The following FKTN variants were observed in gnomAD, a reference collection of about 807,000 sequenced individuals.
The protein encoded by FKTN is ribitol-5-phosphate transferase FKTN.
In FKTN, 47 loss-of-function variants were observed where a neutral mutation model predicts 58.6. The ratio of observed to expected loss-of-function variants is 0.80; its 90% CI spans 0.63 to 1.02. The LOEUF (loss-of-function observed/expected upper bound fraction) is 1.02, where lower values mean the gene tolerates loss of function less well. FKTN is among the 50% of genes least tolerant of loss of function. FKTN has a pLI of 0.00. For missense variants in FKTN, 516 were observed against 537.3 expected (o/e 0.96, Z 0.39); for synonymous variants, 178 against 191.9 (o/e 0.93, Z 0.60).
rs752457293 is a variant in FKTN, at chr9:105,604,252, A to C, written c.407A>C (p.Gln136Pro). The stretch of plus-strand genomic sequence containing the variant: ...CGGATAGCTGAGAATATGGGATTTC[A>C]GTGCCTAAAGATTGAGAGTAAAGAT... ...WFRIAENMGF[Q>P]CLKIESKDPR... Residue 136 changes from glutamine to proline, a missense_variant, in exon 6 of 11, where the codon CAG becomes CCG. Gln to Pro is a moderately conservative substitution (Grantham distance 76). Transcript: ENST00000357998. 6.2e-7 allele frequency: 1 copy of C among 1,612,882 alleles called. No homozygotes were observed. The highest frequency in any genetic ancestry group is 8.5e-7 in the Non-Finnish European group (1 of 1,179,998).
At chr9:105,565,604 T>TAGCC (rs1839417496) in intron 1 of FKTN, among the ~76,000 whole-genome samples, 1 of 150,660 alleles carries the variant, frequency 6.6e-6, no homozygotes, top group South Asian at 2.1e-4. Context: ...GCTAACTGTC[T>TAGCC]TAAATATATA....
In FKTN at chr9:105,639,615, A is replaced by G. The variant is rs1252080400; in HGVS notation, c.*4351A>G. On this transcript the variant is annotated 3_prime_UTR_variant, in exon 11 of 11. Coordinates refer to ENST00000357998, the MANE Select transcript of FKTN (RefSeq NM_001079802.2). Reference sequence around the variant, plus strand: ...GGGTCAGAACATATTCCTTTACTCAAAAGATTGCATGACTGAATTTGCTTA... The same window carrying G: ...GGGTCAGAACATATTCCTTTACTCAGAAGATTGCATGACTGAATTTGCTTA... The G allele has an allele frequency of 5.1e-6, 5 of 974,636 alleles. No homozygotes were observed. In the South Asian group the frequency reaches 1.4e-4, roughly 28 times the overall value. 60.4% of individuals were successfully genotyped at this position (974,636 alleles called of 1,614,324 possible).
In FKTN at chr9:105,604,548, T is replaced by C. The variant is rs894598777; in HGVS notation, c.647+56T>C. The stretch of plus-strand genomic sequence containing the variant: ...AATGAGTGTTGTTCAGTCATAATTC[T>C]TGCAGTGTTTTTACATTTGAGTATT... On this transcript the variant is annotated intron_variant, in intron 6 of 10. Transcript: ENST00000357998. The C allele has an allele frequency of 2.2e-6, 3 of 1,385,928 alleles. No homozygotes were observed. In the South Asian group the frequency reaches 3.5e-5, roughly 16 times the overall value. 85.9% of individuals were successfully genotyped at this position (1,385,928 alleles called of 1,614,324 possible). A position where few individuals can be genotyped will look rare whatever the true frequency, so the allele number is the denominator to read the frequency against.
chr9:105,566,249 C>A (rs542940951), intron 1 of FKTN, among the ~76,000 whole-genome samples: 87 of 152,124 alleles, frequency 5.7e-4, no homozygotes, highest in African/African-American at 1.9e-3. Flanking sequence ...ACTAGAGAAG[C>A]AAGAGCAAAC....
chr9:105,606,062 CTAT>C (rs1358163884), intron 6 of FKTN, among the ~76,000 whole-genome samples: 1 of 151,978 alleles, frequency 6.6e-6, no homozygotes, highest in Non-Finnish European at 1.5e-5. Flanking sequence ...AAAGTAAATT[CTAT>C]TATTACTTTT....
In FKTN at chr9:105,636,338, TCTC is replaced by T; in HGVS notation, c.*1078_*1080del. The T allele has an allele frequency of 1.0e-6, 1 of 981,714 alleles. No homozygotes were observed. The highest frequency in any genetic ancestry group is 1.2e-6 in the Non-Finnish European group (1 of 826,492). The allele number at this position is 981,714 out of a possible 1,614,324, so 60.8% of individuals were successfully genotyped here. On this transcript the variant is annotated 3_prime_UTR_variant, in exon 11 of 11. Coordinates refer to ENST00000357998, the MANE Select transcript of FKTN (RefSeq NM_001079802.2). ...ATGGCATGTAAACCTGCCTGTTTCT[TCTC>T]CTCTTCTAATATATCAGATCTCCAA...
At chr9:105,625,140 A>C (rs935803451) in intron 10 of FKTN, among the ~76,000 whole-genome samples, 1 of 152,236 alleles carries the variant, frequency 6.6e-6, no homozygotes, top group African/African-American at 2.4e-5. Flanking sequence ...ATGGTAGTGA[A>C]TTAAAGCCTA....
intron 10 of FKTN, among the ~76,000 whole-genome samples, chr9:105,627,671 C>T (rs1156544096): frequency 1.3e-5 from 2 of 152,132 alleles, no homozygotes; most frequent in Non-Finnish European, 2.9e-5. Flanking sequence ...AAGGGCCTTA[C>T]GTTGCTGTCT....
At chr9:105,620,186 T>G in intron 10 of FKTN, 125 bp downstream of exon 10, 1 of 766,238 alleles carries the variant, frequency 1.3e-6, no homozygotes, top group Non-Finnish European at 2.2e-6. Context: ...AGCTAACACT[T>G]TCTTAGCTTA....
intron 10 of FKTN, among the ~76,000 whole-genome samples, chr9:105,622,224 A>G (rs897177409): frequency 5.3e-5 from 8 of 152,058 alleles, no homozygotes; most frequent in Non-Finnish European, 1.2e-4. Flanking sequence ...AGTATAATGT[A>G]TCATCTCACC....
In FKTN at chr9:105,613,195, T is replaced by A. The variant is rs118028758; in HGVS notation, c.781-2083T>A. ...AAAATTGATGTTTCAAGATGTCAGT[T>A]ACATGGTCATCATTGGTTGAGCATG... On this transcript the variant is annotated intron_variant, in intron 7 of 10. Coordinates refer to ENST00000357998, the MANE Select transcript of FKTN (RefSeq NM_001079802.2). Among the ~76,000 whole-genome samples the A allele has an allele frequency of 1.2e-3, 179 of 152,328 alleles. 3 individuals are homozygous for A. In the East Asian group the frequency reaches 0.025, roughly 21 times the overall value.
At chr9:105,619,759 C>A in intron 9 of FKTN, 175 bp from the exon 10 acceptor site, 1 of 521,900 alleles carries the variant, frequency 1.9e-6, no homozygotes, top group Non-Finnish European at 3.4e-6. Flanking sequence ...TGATATGTTA[C>A]TGATGCATCC....
In FKTN at chr9:105,639,336, C is replaced by A; in HGVS notation, c.*4072C>A. On this transcript the variant is annotated 3_prime_UTR_variant, in exon 11 of 11. Transcript: ENST00000357998. ...AGGCAATGTGTTGCCATAAAAAGAC[C>A]ACAAGCTTTTGAGTTAGGCCTGAAT... 1.0e-6 allele frequency: 1 copy of A among 961,442 alleles called. No individual in the cohort carries two copies. The highest frequency in any genetic ancestry group is 1.2e-6 in the Non-Finnish European group (1 of 808,088). 59.6% of individuals were successfully genotyped at this position (961,442 alleles called of 1,614,324 possible).
chr9:105,599,812 C>A (rs888281188), intron 4 of FKTN, among the ~76,000 whole-genome samples: 6 of 152,112 alleles, frequency 3.9e-5, no homozygotes, highest in South Asian at 2.1e-4. Flanking sequence ...GAGTATGGCA[C>A]TGGCCTCTTA....
rs1201988908 is a variant in FKTN at position 105,640,202 on chromosome 9, A to G, written c.*4938A>G. The G allele has an allele frequency of 2.6e-6, 4 of 1,526,938 alleles. No homozygotes were observed. The highest frequency in any genetic ancestry group is 3.5e-6 in the Non-Finnish European group (4 of 1,141,868). 94.6% of individuals were successfully genotyped at this position (1,526,938 alleles called of 1,614,324 possible). On this transcript the variant is annotated 3_prime_UTR_variant, in exon 11 of 11. Transcript: ENST00000357998. ...TGAAACAGACTAATTCAATGGCAAT[A>G]CCTTTTGTATAGGTCCTGTGCTTAA...
chr9:105,633,748 T>C (rs1482792354), intron 10 of FKTN, among the ~76,000 whole-genome samples: 1 of 152,246 alleles, frequency 6.6e-6, no homozygotes, highest in African/African-American at 2.4e-5. Flanking sequence ...CTCCTTTTCA[T>C]GTATGGCTTT....
intron 3 of FKTN, among the ~76,000 whole-genome samples, chr9:105,579,861 G>C (rs1392918154): frequency 6.6e-6 from 1 of 151,904 alleles, no homozygotes; most frequent in African/African-American, 2.4e-5. Flanking sequence ...TGTATTGGGT[G>C]CATATATATT....
chr9:105,600,089 G>A (rs900224071), intron 4 of FKTN, among the ~76,000 whole-genome samples: 1 of 151,870 alleles, frequency 6.6e-6, no homozygotes, highest in East Asian at 1.9e-4. Context: ...GAATTTTTTG[G>A]TGTAACATTG....
chr9:105,582,053 T>TGC (rs1843064381), intron 3 of FKTN, among the ~76,000 whole-genome samples: 1 of 152,114 alleles, frequency 6.6e-6, no homozygotes, highest in Admixed American at 6.5e-5. Context: ...CCCACTAGCC[T>TGC]GCGCCCACTG....
Sources: allele counts gnomAD v4.1 joint callset (sites outside exome capture counted in the v4.1 genomes callset), GRCh38; gene constraint gnomAD v4.1.1; transcripts MANE v1.5; gene names NCBI Gene and HGNC (gene_info 2026-07-23, HGNC 2026-07-21).